The following MBOAT2 variants were observed in gnomAD, a reference collection of about 807,000 sequenced individuals.
MBOAT2 encodes membrane bound glycerophospholipid O-acyltransferase 2.
Under a neutral mutation model 63.4 loss-of-function variants are expected in MBOAT2, and 28 were observed. The ratio of observed to expected loss-of-function variants is 0.44; its 90% CI spans 0.33 to 0.61. MBOAT2 has a LOEUF of 0.61. Among genes scored for constraint, MBOAT2 ranks in the 20% least tolerant of loss-of-function variants. The pLI is 0.03. For missense variants in MBOAT2, 470 were observed against 605.8 expected (o/e 0.78, Z 2.35); for synonymous variants, 211 against 215.6 (o/e 0.98, Z 0.19).
intron 2 of MBOAT2, among the ~76,000 whole-genome samples, chr2:8,949,539 A>G (rs1243457708): frequency 5.3e-5 from 8 of 151,934 alleles, no homozygotes; most frequent in Non-Finnish European, 1.2e-4. Flanking sequence ...GTAGGGGTCC[A>G]GTTTCATTCT....
intron 1 of MBOAT2, among the ~76,000 whole-genome samples, chr2:8,961,024 C>T (rs1055636562): frequency 4.6e-5 from 7 of 152,258 alleles, no homozygotes; most frequent in African/African-American, 9.6e-5. Flanking sequence ...CACACCACGG[C>T]GTTTGAGCCC....
intron 2 of MBOAT2, among the ~76,000 whole-genome samples, chr2:8,950,134 T>C (rs1391962113): frequency 2.0e-5 from 3 of 152,194 alleles, no homozygotes; most frequent in African/African-American, 7.2e-5. Context: ...ATTATTACTA[T>C]ACAGAAATGC....
At chr2:8,972,494 C>T (rs1289151655) in intron 1 of MBOAT2, among the ~76,000 whole-genome samples, 2 of 152,166 alleles carry the variant, frequency 1.3e-5, no homozygotes, top group African/African-American at 4.8e-5. Context: ...AAAGCAGTGG[C>T]AACAAAAGCC....
chr2:8,921,494 T>C (rs1374985291), intron 3 of MBOAT2, among the ~76,000 whole-genome samples: 1 of 152,230 alleles, frequency 6.6e-6, no homozygotes, highest in Non-Finnish European at 1.5e-5. Flanking sequence ...AAGAGACATG[T>C]ATATAGACTT....
chr2:8,883,991 G>A (rs907895153), intron 5 of MBOAT2, among the ~76,000 whole-genome samples: 1 of 151,552 alleles, frequency 6.6e-6, no homozygotes, highest in Non-Finnish European at 1.5e-5. Flanking sequence ...GGGAGGCCAA[G>A]GCGGGTGGAT....
At chr2:8,997,809 G>C (rs1302635812) in intron 1 of MBOAT2, among the ~76,000 whole-genome samples, 1 of 152,172 alleles carries the variant, frequency 6.6e-6, no homozygotes, top group Non-Finnish European at 1.5e-5. Flanking sequence ...GCAGAGTCTG[G>C]CTGCCAACCT....
intron 4 of MBOAT2, among the ~76,000 whole-genome samples, chr2:8,892,835 A>G (rs114801735): frequency 1.2e-3 from 184 of 152,158 alleles, no homozygotes; most frequent in African/African-American, 3.9e-3. Context: ...GGCATGTTGG[A>G]GGATCAGTAC....
At chr2:8,947,908 TAAGA>T (rs1668536318) in intron 2 of MBOAT2, among the ~76,000 whole-genome samples, 2 of 152,330 alleles carry the variant, frequency 1.3e-5, no homozygotes, top group South Asian at 4.1e-4. Flanking sequence ...TCTTGTTATT[TAAGA>T]AATACATTTC....
rs1400169603 is a variant in MBOAT2 at position 8,913,961 on chromosome 2, G to GTA, written c.300-5247_300-5246dup. On this transcript the variant is annotated intron_variant, in intron 3 of 12. Coordinates refer to ENST00000305997, the MANE Select transcript of MBOAT2 (RefSeq NM_138799.4). ...TCAACAAGTGGATAAAGAAACTGCGGTATATATATACGATGGAATACTACT... is the reference window on the plus strand; with the variant it reads ...TCAACAAGTGGATAAAGAAACTGCGGTATATATATATACGATGGAATACTACT... Among the ~76,000 whole-genome samples, 5 of 152,274 alleles carry GTA rather than the reference G, an allele frequency of 3.3e-5. No individual in the cohort carries two copies. In the East Asian group the frequency reaches 9.6e-4, roughly 29 times the overall value.
chr2:8,953,335 A>G (rs900770456), intron 2 of MBOAT2, among the ~76,000 whole-genome samples: 1 of 152,170 alleles, frequency 6.6e-6, no homozygotes, highest in Non-Finnish European at 1.5e-5. Flanking sequence ...CCCTTTGTAT[A>G]TAACTTGCCC....
In MBOAT2 at chr2:8,855,285, C is replaced by T. The variant is rs1478791364; in HGVS notation, c.*3394G>A. ...ACTGGTCCTGAACTCTTAGGATTAA[C>T]CCGTTTGCTTATGGCTGAGGAACTT... On this transcript the variant is annotated 3_prime_UTR_variant, in exon 13 of 13. Transcript: ENST00000305997. 1.3e-5 allele frequency: 2 copies of T among 152,176 alleles called. No homozygotes were observed. The highest frequency in any genetic ancestry group is 1.9e-4 in the East Asian group (1 of 5,196). The allele number at this position is 152,176 out of a possible 1,614,324, so 9.4% of individuals were successfully genotyped here. A position where few individuals can be genotyped will look rare whatever the true frequency, so the allele number is the denominator to read the frequency against.
chr2:8,933,219 C>T (rs150481280), intron 3 of MBOAT2, among the ~76,000 whole-genome samples: 11 of 152,234 alleles, frequency 7.2e-5, no homozygotes, highest in African/African-American at 2.6e-4. Context: ...AAGATGCATC[C>T]TTGTACTTTA....
chr2:8,997,233 T>C (rs999099480), intron 1 of MBOAT2, among the ~76,000 whole-genome samples: 1 of 152,258 alleles, frequency 6.6e-6, no homozygotes, highest in East Asian at 1.9e-4. Flanking sequence ...GAGTCCCACC[T>C]GTTAAACCAA....
intron 3 of MBOAT2, among the ~76,000 whole-genome samples, chr2:8,925,925 A>G (rs1243584977): frequency 1.3e-5 from 2 of 152,224 alleles, no homozygotes; most frequent in Admixed American, 1.3e-4. Context: ...AATGAAATAC[A>G]GTATTTCATT....
At chr2:8,915,184 C>T (rs1314003028) in intron 3 of MBOAT2, among the ~76,000 whole-genome samples, 1 of 152,110 alleles carries the variant, frequency 6.6e-6, no homozygotes, top group Non-Finnish European at 1.5e-5. Context: ...AGTGATCCAC[C>T]TGCCTCAGCC....
chr2:8,935,622 C>G (rs1228075603), intron 3 of MBOAT2, among the ~76,000 whole-genome samples: 1 of 152,234 alleles, frequency 6.6e-6, no homozygotes, highest in African/African-American at 2.4e-5. Context: ...TTCTTGGTAG[C>G]TGAACCCATT....
At chr2:8,922,589 C>G (rs1269501727) in intron 3 of MBOAT2, among the ~76,000 whole-genome samples, 1 of 152,188 alleles carries the variant, frequency 6.6e-6, no homozygotes, top group African/African-American at 2.4e-5. Context: ...AGCCTCACTC[C>G]AGAGGTTGTC....
intron 3 of MBOAT2, among the ~76,000 whole-genome samples, chr2:8,917,916 A>C (rs1202198435): frequency 6.6e-6 from 1 of 152,272 alleles, no homozygotes; most frequent in Non-Finnish European, 1.5e-5. Context: ...GTGAAACACA[A>C]CAACAGGGAT....
intron 3 of MBOAT2, among the ~76,000 whole-genome samples, chr2:8,934,650 G>A (rs1667538165): frequency 6.6e-6 from 1 of 152,110 alleles, no homozygotes; most frequent in African/African-American, 2.4e-5. Flanking sequence ...TACCAAGAGG[G>A]CCTGTACCTT....
Sources: gnomAD v4.1 joint callset for allele counts (sites outside exome capture counted in the v4.1 genomes callset) on GRCh38, gnomAD v4.1.1 for gene constraint, MANE v1.5 for transcripts, NCBI Gene and HGNC (gene_info 2026-07-23, HGNC 2026-07-21) for gene names.